The following KLHL14 variants were observed in gnomAD, a reference collection of about 807,000 sequenced individuals.
KLHL14 encodes the protein kelch like family member 14, also known as kelch-like protein 14.
Under a neutral mutation model 64.3 loss-of-function variants are expected in KLHL14, and 22 were observed. The observed-to-expected ratio is 0.34, with a 90% CI of 0.24 to 0.49. KLHL14 has a LOEUF of 0.49. Among genes scored for constraint, KLHL14 ranks in the 20% least tolerant of loss-of-function variants. The probability of loss-of-function intolerance (pLI) is 0.99; values close to 1 mark genes in which losing one functional copy is unlikely to be tolerated. For missense variants in KLHL14, 661 were observed against 789.0 expected (o/e 0.84, Z 1.94); for synonymous variants, 322 against 333.4 (o/e 0.97, Z 0.37).
At chr18:32,720,437 A>G (rs2050072047) in intron 3 of KLHL14, among the ~76,000 whole-genome samples, 1 of 152,140 alleles carries the variant, frequency 6.6e-6, no homozygotes, top group African/African-American at 2.4e-5. Context: ...ATTTCTCCCA[A>G]CAGAGAACAA....
chr18:32,708,726 CTGGAGCTG>C (rs753783308), intron 3 of KLHL14, among the ~76,000 whole-genome samples: 4 of 152,140 alleles, frequency 2.6e-5, no homozygotes, highest in Admixed American at 6.6e-5. Flanking sequence ...GGTTTTCACA[CTGGAGCTG>C]AAAGGAGAAC....
intron 3 of KLHL14, among the ~76,000 whole-genome samples, chr18:32,715,129 A>C (rs1448242201): frequency 1.3e-5 from 2 of 152,178 alleles, no homozygotes; most frequent in African/African-American, 4.8e-5. Context: ...ATATTGTTAA[A>C]GATAGATTTT....
chr18:32,687,295 A>C, intron 4 of KLHL14, 62 bp from the exon 5 acceptor site: 1 of 1,313,422 alleles, frequency 7.6e-7, no homozygotes, highest in Non-Finnish European at 1.1e-6. Flanking sequence ...CACATGTAGT[A>C]GTGTTTTATC....
chr18:32,745,282 T>C (rs914639317), intron 2 of KLHL14: 1 of 152,256 alleles, frequency 6.6e-6, no homozygotes, highest in Non-Finnish European at 1.5e-5. Flanking sequence ...TATTTAATTC[T>C]AAATAAAACT....
chr18:32,693,413 C>CAGAGAGAGAGAG (rs56135629), intron 4 of KLHL14, among the ~76,000 whole-genome samples: 73 of 97,030 alleles, frequency 7.5e-4, no homozygotes, highest in South Asian at 3.4e-3. Context: ...CACACACACA[C>CAGAGAGAGAGAG]AGAGAGAGAG....
At chr18:32,745,621 G>A (rs1437755711) in intron 2 of KLHL14, 3 of 152,110 alleles carry the variant, frequency 2.0e-5, no homozygotes, top group Non-Finnish European at 4.4e-5. Context: ...ATACAAATGA[G>A]AATAACCATC....
intron 4 of KLHL14, 109 bp downstream of exon 4, chr18:32,695,354 G>A (rs765062690): frequency 1.9e-5 from 14 of 720,958 alleles, no homozygotes; most frequent in African/African-American, 1.2e-4. Flanking sequence ...ATTTGTCCCC[G>A]TTGCACAGAA....
chr18:32,758,335 T>C (rs567919613), intron 2 of KLHL14, among the ~76,000 whole-genome samples: 2 of 152,294 alleles, frequency 1.3e-5, no homozygotes, highest in South Asian at 4.1e-4. Context: ...CATGAAAAGA[T>C]GCTCAACATG....
At chr18:32,682,304 A>T (rs2049843948) in intron 5 of KLHL14, among the ~76,000 whole-genome samples, 1 of 152,192 alleles carries the variant, frequency 6.6e-6, no homozygotes, top group African/African-American at 2.4e-5. Context: ...GATTTTCTTG[A>T]TATATTTGAA....
Position 32,770,294 on chromosome 18 carries a change from GCGGCGGCTGCTGCTGCTGTGA to G in KLHL14, c.277_297del (p.Ser93_Pro99del), listed in dbSNP as rs1390974919. Reference sequence around the variant, plus strand: ...GAAGGAGTCCCGGGCTCCTCCTGCGGCGGCGGCTGCTGCTGCTGTGACGGCTGCTGCTGCGGCGGCTGCTGC... The same window carrying G: ...GAAGGAGTCCCGGGCTCCTCCTGCGGCGGCTGCTGCTGCGGCGGCTGCTGC... On this transcript the variant is annotated inframe_deletion, in exon 2 of 9. Coordinates refer to ENST00000359358, the MANE Select transcript of KLHL14 (RefSeq NM_020805.3). The surrounding 1 kb of genome is among the most constrained non-coding windows in gnomAD (Gnocchi z 6.7). The G allele has an allele frequency of 1.3e-6, 2 of 1,587,334 alleles. No homozygotes were observed. Among genetic ancestry groups the G allele is most frequent in the Admixed American group, 1.7e-5 (1 of 58,324 alleles).
At chr18:32,693,026 G>A (rs1242983159) in intron 4 of KLHL14, among the ~76,000 whole-genome samples, 3 of 152,160 alleles carry the variant, frequency 2.0e-5, no homozygotes, top group Non-Finnish European at 4.4e-5. Flanking sequence ...TGTGGTGGGT[G>A]CTCTTGTTCA....
intron 4 of KLHL14, among the ~76,000 whole-genome samples, chr18:32,691,105 G>C (rs1598550384): frequency 6.6e-6 from 1 of 152,154 alleles, no homozygotes; most frequent in Non-Finnish European, 1.5e-5. Flanking sequence ...CCCAAATTCA[G>C]CTGAAGATTA....
intron 3 of KLHL14, among the ~76,000 whole-genome samples, chr18:32,723,637 T>G (rs1482102512): frequency 2.0e-5 from 3 of 152,136 alleles, no homozygotes; most frequent in African/African-American, 4.8e-5. Context: ...AGTAACAATG[T>G]GAGGTCAATA....
chr18:32,734,823 C>T (rs536507685), intron 3 of KLHL14, among the ~76,000 whole-genome samples: 3 of 152,240 alleles, frequency 2.0e-5, no homozygotes, highest in Middle Eastern at 3.4e-3. Flanking sequence ...CAGAGTCACA[C>T]GGTCAACACA....
chr18:32,724,483 G>A (rs2050096612), intron 3 of KLHL14, among the ~76,000 whole-genome samples: 1 of 152,176 alleles, frequency 6.6e-6, no homozygotes, highest in Non-Finnish European at 1.5e-5. Flanking sequence ...AAACAGTGCA[G>A]TGTTGGGTTT....
intron 3 of KLHL14, among the ~76,000 whole-genome samples, chr18:32,735,716 T>G (rs192234501): frequency 7.9e-5 from 12 of 152,320 alleles, no homozygotes; most frequent in African/African-American, 2.6e-4. Context: ...CTATCACATT[T>G]TCTTATTATA....
At chr18:32,675,269 A>G (rs2049806152) in intron 8 of KLHL14, among the ~76,000 whole-genome samples, 1 of 152,188 alleles carries the variant, frequency 6.6e-6, no homozygotes, top group Non-Finnish European at 1.5e-5. Flanking sequence ...AGGCTAGGAC[A>G]GGAGGATCGT....
rs1385065915 is a variant in KLHL14 at position 32,770,344 on chromosome 18, T to C, written c.248A>G (p.Asp83Gly). 2.0e-5 allele frequency: 31 copies of C among 1,584,330 alleles called. 1 individual carries two copies. The East Asian group carries it at 6.7e-4, about 34-fold the overall frequency. ...GGQDGLGAPKDQQQPPQQQPS... is the reference protein window; with the variant it reads ...GGQDGLGAPKGQQQPPQQQPS... Reference sequence around the variant, plus strand: ...CTGCTGCTGCGGCGGCTGCTGCTGGTCCTTGGGGGCCCCCAGGCCGTCCTG... The same window carrying C: ...CTGCTGCTGCGGCGGCTGCTGCTGGCCCTTGGGGGCCCCCAGGCCGTCCTG... Residue 83 changes from aspartate (D) to glycine (G), a missense_variant, in exon 2 of 9, where the codon GAC becomes GGC. Around this residue, in one of 2 missense-constraint regions of KLHL14, gnomAD observed 331 missense variants for 339.0 expected, o/e 0.98. Transcript: ENST00000359358. The surrounding 1 kb of genome is among the most constrained non-coding windows in gnomAD (Gnocchi z 6.7).
chr18:32,704,408 G>T (rs1367359888), intron 3 of KLHL14, among the ~76,000 whole-genome samples: 2 of 152,032 alleles, frequency 1.3e-5, no homozygotes. Flanking sequence ...AACCTACAAG[G>T]TATCAGAAGG....
Sources: allele counts gnomAD v4.1 joint callset (sites outside exome capture counted in the v4.1 genomes callset), GRCh38; gene constraint gnomAD v4.1.1; regional missense constraint gnomAD v4.1.1; non-coding constraint Gnocchi (gnomAD v3.1); transcripts MANE v1.5; gene names NCBI Gene and HGNC (gene_info 2026-07-23, HGNC 2026-07-21).